RNF150: variants seen among roughly 807,000 people sequenced by gnomAD.
RNF150 encodes ring finger protein 150.
In RNF150, 24 loss-of-function variants were observed where a neutral mutation model predicts 39.3. The ratio of observed to expected loss-of-function variants is 0.61; its 90% CI spans 0.44 to 0.86. The LOEUF is 0.86. Ranked by LOEUF, RNF150 falls within the 40% of genes least tolerant of loss-of-function variation. RNF150 has a pLI of 0.00. For synonymous variants in RNF150, 255 were observed against 227.3 expected (o/e 1.12, Z -1.10); for missense variants, 502 against 587.8 (o/e 0.85, Z 1.51).
At chr4:141,150,434 T>A (rs748032208) in intron 1 of RNF150, among the ~76,000 whole-genome samples, 3 of 152,208 alleles carry the variant, frequency 2.0e-5, no homozygotes, top group Non-Finnish European at 4.4e-5. Context: ...GCCATCACCC[T>A]GTGGCACCTG....
chr4:141,007,528 C>T (rs1734919095), intron 1 of RNF150, among the ~76,000 whole-genome samples: 5 of 152,096 alleles, frequency 3.3e-5, no homozygotes, highest in Admixed American at 1.3e-4. Context: ...CTTAGGGAGT[C>T]CCAGTAATCT....
At chr4:141,123,862 C>G (rs1327238854) in intron 1 of RNF150, among the ~76,000 whole-genome samples, 1 of 152,198 alleles carries the variant, frequency 6.6e-6, no homozygotes, top group Non-Finnish European at 1.5e-5. Context: ...TCATCCATGT[C>G]CCTACAAAGG....
At chr4:141,089,761 T>C (rs1738507719) in intron 1 of RNF150, among the ~76,000 whole-genome samples, 2 of 152,202 alleles carry the variant, frequency 1.3e-5, no homozygotes, top group South Asian at 4.1e-4. Context: ...CTTGGAATAT[T>C]TACCAAATTA....
At chr4:141,168,550 C>T (rs1727641636) in intron 1 of RNF150, among the ~76,000 whole-genome samples, 1 of 152,130 alleles carries the variant, frequency 6.6e-6, no homozygotes, top group South Asian at 2.1e-4. Flanking sequence ...AACCCAAATG[C>T]CCATCAGTAA....
chr4:140,952,861 A>G (rs1355575614), intron 2 of RNF150, among the ~76,000 whole-genome samples: 1 of 152,206 alleles, frequency 6.6e-6, no homozygotes, highest in Non-Finnish European at 1.5e-5. Context: ...ACAGGGATAC[A>G]TTCTGAGAAA....
At chr4:141,105,043 G>A (rs1013228950) in intron 1 of RNF150, among the ~76,000 whole-genome samples, 1 of 152,090 alleles carries the variant, frequency 6.6e-6, no homozygotes, top group Non-Finnish European at 1.5e-5. Flanking sequence ...TCTCAATCGT[G>A]TATACCTATT....
chr4:141,006,260 A>T (rs1734869436), intron 1 of RNF150, among the ~76,000 whole-genome samples: 1 of 150,406 alleles, frequency 6.6e-6, no homozygotes, highest in African/African-American at 2.5e-5. Context: ...ATACATATAT[A>T]CGTATATATA....
intron 5 of RNF150, among the ~76,000 whole-genome samples, chr4:140,919,864 G>C (rs2111301535): frequency 6.6e-6 from 1 of 152,164 alleles, no homozygotes; most frequent in Admixed American, 6.5e-5. Context: ...ACAGAACAGA[G>C]CCCTCAGAAA....
intron 1 of RNF150, among the ~76,000 whole-genome samples, chr4:141,124,555 T>G (rs1446851694): frequency 6.6e-6 from 1 of 152,204 alleles, no homozygotes; most frequent in Non-Finnish European, 1.5e-5. Flanking sequence ...ATTTCTGATG[T>G]GGGTTTCATC....
rs116729221 is a variant in RNF150 at position 141,156,317 on chromosome 4, G to C, written c.-6+56477C>G. Among the ~76,000 whole-genome samples the C allele has an allele frequency of 7.5e-3, 1,147 of 152,260 alleles. 4 individuals carry two copies. The highest frequency in any genetic ancestry group is 0.013 in the Non-Finnish European group (911 of 68,020). On this transcript the variant is annotated intron_variant, in intron 1 of 7. Coordinates refer to the RNF150 transcript ENST00000420921. ...TATTTCTGAGACAGGGTCTTACTCT[G>C]TCATCCAGGTTGAAGTGCAGTGGTG... is the stretch of plus-strand genomic sequence containing the variant.
chr4:140,882,486 GT>G, intron 6 of RNF150, among the ~76,000 whole-genome samples: 1 of 152,058 alleles, frequency 6.6e-6, no homozygotes, highest in East Asian at 1.9e-4. Context: ...TATGCCTATT[GT>G]TCTCAGTCTG....
rs1489940024 is a variant in RNF150, at chr4:140,863,641, T to G, written c.*4620A>C. 1 of 152,086 alleles carries G rather than the reference T, an allele frequency of 6.6e-6. No homozygotes were observed. Among genetic ancestry groups the G allele is most frequent in the Non-Finnish European group, 1.5e-5 (1 of 68,002 alleles). The allele number at this position is 152,086 out of a possible 1,614,324, so 9.4% of individuals were successfully genotyped here. On this transcript the variant is annotated 3_prime_UTR_variant, in exon 7 of 7. Transcript: ENST00000515673. ...AGAGAAGATGGGAAAATAATTTATG[T>G]ATGGGTATACAAAGTAAGATATAGG...
At chr4:141,193,213 T>C (rs755159554) in intron 1 of RNF150, among the ~76,000 whole-genome samples, 2 of 152,242 alleles carry the variant, frequency 1.3e-5, no homozygotes, top group African/African-American at 2.4e-5. Flanking sequence ...ATCTTAGCAA[T>C]TAGAATAGTG....
chr4:140,913,289 C>T (rs1426789618), intron 5 of RNF150, among the ~76,000 whole-genome samples: 1 of 152,070 alleles, frequency 6.6e-6, no homozygotes, highest in Non-Finnish European at 1.5e-5. Flanking sequence ...AAACAAAAAC[C>T]ATGGGTATGT....
intron 1 of RNF150, among the ~76,000 whole-genome samples, chr4:141,073,927 G>A (rs1165255792): frequency 6.6e-6 from 1 of 151,960 alleles, no homozygotes; most frequent in African/African-American, 2.4e-5. Flanking sequence ...TCAGTTCAGA[G>A]GGCTGCAGCA....
At chr4:140,905,946 A>G (rs1730355825) in intron 6 of RNF150, among the ~76,000 whole-genome samples, 1 of 152,094 alleles carries the variant, frequency 6.6e-6, no homozygotes. Context: ...AAATTAGGAG[A>G]CAGAGGCTGA....
chr4:140,984,387 G>C (rs926623661), intron 1 of RNF150, among the ~76,000 whole-genome samples: 1 of 152,128 alleles, frequency 6.6e-6, no homozygotes, highest in Non-Finnish European at 1.5e-5. Flanking sequence ...AGTGAACAGA[G>C]TCTATAAATC....
Position 140,947,653 on chromosome 4 carries a change from C to A in RNF150, c.890+1G>T, listed in dbSNP as rs1211199070. On this transcript the variant is annotated splice_donor_variant, in intron 4 of 6. Transcript: ENST00000515673. LOFTEE classifies it high-confidence loss of function. ...CAAAAGCAGGCAGCCTAGTGACTCACCGGCAGGGCAGGATCCGGACAACGT... is the reference window on the plus strand; with the variant it reads ...CAAAAGCAGGCAGCCTAGTGACTCAACGGCAGGGCAGGATCCGGACAACGT... 1.9e-6 allele frequency: 3 copies of A among 1,609,306 alleles called. No homozygotes were observed. The African/African-American group carries it at 4.0e-5, about 22-fold the overall frequency.
intron 1 of RNF150, among the ~76,000 whole-genome samples, chr4:141,073,402 C>A (rs937918102): frequency 6.6e-6 from 1 of 152,118 alleles, no homozygotes; most frequent in Non-Finnish European, 1.5e-5. Flanking sequence ...TATCACAGAT[C>A]AACTCTTATC....
Sources: allele counts gnomAD v4.1 joint callset (sites outside exome capture counted in the v4.1 genomes callset), GRCh38; gene constraint gnomAD v4.1.1; transcripts MANE v1.5; gene names NCBI Gene and HGNC (gene_info 2026-07-23, HGNC 2026-07-21).